Variants in CYFIP1 observed in about 807,000 individuals in gnomAD.
The protein encoded by CYFIP1 is cytoplasmic FMR1-interacting protein 1.
CYFIP1 carries 58 observed loss-of-function variants against 163.5 expected under a neutral mutation model. The ratio of observed to expected loss-of-function variants is 0.35; its 90% CI spans 0.29 to 0.44. The LOEUF is 0.44. CYFIP1 is among the 20% of genes least tolerant of loss of function. The pLI is 1.00. For synonymous variants in CYFIP1, 663 were observed against 660.7 expected (o/e 1.00, Z -0.05); for missense variants, 1,338 against 1,653.8 (o/e 0.81, Z 3.31).
At position 22,918,802 on chromosome 15, in the gene CYFIP1, G is replaced by C; in HGVS notation, c.1416C>G (p.Phe472Leu). The C allele has an allele frequency of 6.2e-7, 1 of 1,613,032 alleles. No individual in the cohort carries two copies. The highest frequency in any genetic ancestry group is 1.1e-5 in the South Asian group (1 of 91,026). ...QVLMGRMESV[F>L]NHAIRHTVYA... ...AGACGGTGTGCCGGATGGCGTGGTT[G>C]AACACGCTCTCCATCCTGCCCATCA... Residue 472 changes from phenylalanine to leucine, a missense_variant, in exon 14 of 31, where the codon TTC becomes TTG. Transcript: ENST00000617928.
chr15:22,946,851 C>G, intron 3 of CYFIP1, 152 bp downstream of exon 3: 1 of 756,052 alleles, frequency 1.3e-6, no homozygotes. Context: ...CTAAGAAAAG[C>G]AAAGACTGTC....
chr15:22,956,206 C>CA (rs1202403778), intron 1 of CYFIP1, among the ~76,000 whole-genome samples: 1 of 151,386 alleles, frequency 6.6e-6, no homozygotes, highest in Admixed American at 6.6e-5. Context: ...GACTCTGTCT[C>CA]AAAAAAAATA....
chr15:22,948,100 G>GCCTGCGC, intron 1 of CYFIP1: 1 of 523,614 alleles, frequency 1.9e-6, no homozygotes, highest in Non-Finnish European at 2.4e-6. Flanking sequence ...CCCTCCTCCA[G>GCCTGCGC]CACTGGCGCA....
Position 22,909,282 on chromosome 15 carries a change from A to T in CYFIP1, c.2300T>A (p.Leu767Gln), listed in dbSNP as rs750360895. The change falls in exon 21 of 31, where the codon CTG becomes CAG. Residue 767 changes from leucine (L) to glutamine (Q), a missense_variant. Transcript: ENST00000617928. ...LLGRSIDLNR[L>Q]ITQRVSAAMY... ...GGCTGCTGAGACGCGCTGGGTGATC[A>T]GACGATTGAGGTCTATTGATCTGCC... 1.2e-6 allele frequency: 2 copies of T among 1,614,214 alleles called. No homozygotes were observed. Among genetic ancestry groups the T allele is most frequent in the Non-Finnish European group, 8.5e-7 (1 of 1,180,026 alleles).
chr15:22,969,123 G>GT (rs2063003923), intron 1 of CYFIP1, among the ~76,000 whole-genome samples: 1 of 152,150 alleles, frequency 6.6e-6, no homozygotes, highest in Non-Finnish European at 1.5e-5. Context: ...CTTTCAGAGT[G>GT]TTTTGGGCTT....
At chr15:22,928,798 A>G (rs2061441245) in intron 11 of CYFIP1, among the ~76,000 whole-genome samples, 1 of 152,178 alleles carries the variant, frequency 6.6e-6, no homozygotes. Context: ...GAATTAAATG[A>G]GATCGGAAAT....
intron 26 of CYFIP1, among the ~76,000 whole-genome samples, chr15:22,877,464 C>T (rs1595494470): frequency 6.6e-6 from 1 of 152,174 alleles, no homozygotes; most frequent in African/African-American, 2.4e-5. Flanking sequence ...GCGCCTTATG[C>T]TGTAAGTTCA....
At chr15:22,963,725 C>A (rs546964819) in intron 1 of CYFIP1, among the ~76,000 whole-genome samples, 80 of 152,224 alleles carry the variant, frequency 5.3e-4, no homozygotes, top group Non-Finnish European at 9.4e-4. Context: ...GCAGGCTGAA[C>A]CCATCTCACC....
At chr15:22,920,159 C>CTTTTTTTTTTTT (rs71117470) in intron 13 of CYFIP1, among the ~76,000 whole-genome samples, 2 of 75,520 alleles carry the variant, frequency 2.6e-5, no homozygotes, top group Admixed American at 2.0e-4. Context: ...ATTAAGGCAG[C>CTTTTTTTTTTTT]TTTTTTTTTT....
At chr15:22,870,236 C>T (rs768261491) in intron 30 of CYFIP1, 44 bp from the exon 31 acceptor site, 6 of 1,534,640 alleles carry the variant, frequency 3.9e-6, no homozygotes, top group South Asian at 3.7e-5. Context: ...AACACTTCAA[C>T]ATTTATTCTT....
rs2059244633 is a variant in CYFIP1 at position 22,867,964 on chromosome 15, TGG to T, written c.*2062_*2063del. On this transcript the variant is annotated 3_prime_UTR_variant, in exon 31 of 31. Coordinates refer to ENST00000617928, the MANE Select transcript of CYFIP1 (RefSeq NM_014608.6). The stretch of plus-strand genomic sequence containing the variant: ...AACCTATCCACTCATAACCATTGAC[TGG>T]CCTTTAAAAAAAAGTATTGGCAGAA... The T allele has an allele frequency of 6.6e-6, 1 of 152,230 alleles. No individual in the cohort carries two copies. The highest frequency in any genetic ancestry group is 1.5e-5 in the Non-Finnish European group (1 of 68,038). 9.4% of individuals were successfully genotyped at this position (152,230 alleles called of 1,614,324 possible).
intron 22 of CYFIP1, among the ~76,000 whole-genome samples, chr15:22,903,421 A>AT (rs1331376738): frequency 6.6e-6 from 1 of 152,198 alleles, no homozygotes; most frequent in African/African-American, 2.4e-5. Flanking sequence ...GCACGGAAGC[A>AT]TAAGAAGCAG....
At position 22,918,673 on chromosome 15, in the gene CYFIP1, G is replaced by T; in HGVS notation, c.1526+19C>A. ...AGGACGTGTGGGCACAGCGGGCACA[G>T]GGCGTGGGGAAGGCTGACCTCTGGA... On this transcript the variant is annotated intron_variant, in intron 14 of 30. Coordinates refer to ENST00000617928, the MANE Select transcript of CYFIP1 (RefSeq NM_014608.6). The T allele has an allele frequency of 6.4e-7, 1 of 1,567,028 alleles. No homozygotes were observed. Among genetic ancestry groups the T allele is most frequent in the East Asian group, 2.3e-5 (1 of 43,636 alleles).
At chr15:22,873,869 G>T in intron 28 of CYFIP1, 140 bp from the exon 29 acceptor site, 1 of 767,648 alleles carries the variant, frequency 1.3e-6, no homozygotes, top group Non-Finnish European at 2.2e-6. Flanking sequence ...ACAGCTCGCT[G>T]CAGCCTTGAC....
chr15:22,918,101 A>G (rs958351268), intron 14 of CYFIP1, among the ~76,000 whole-genome samples, 166 bp from the exon 15 acceptor site: 4 of 152,172 alleles, frequency 2.6e-5, no homozygotes, highest in Non-Finnish European at 1.5e-5. Context: ...GCTCAACAGG[A>G]AAGTTAAAAA....
Position 22,867,354 on chromosome 15 carries a change from TA to T in CYFIP1, c.*2673del, listed in dbSNP as rs2059171204. The T allele has an allele frequency of 5.1e-6, 2 of 394,672 alleles. No homozygotes were observed. The highest frequency in any genetic ancestry group is 8.9e-6 in the Non-Finnish European group (2 of 224,150). 24.4% of individuals were successfully genotyped at this position (394,672 alleles called of 1,614,324 possible). On this transcript the variant is annotated 3_prime_UTR_variant, in exon 31 of 31. Transcript: ENST00000617928. ...TTTGAAATATTTATTAAGGGAAAAC[TA>T]AGTTACTGAATGAAGGAACCTCTTT... is the stretch of plus-strand genomic sequence containing the variant.
intron 23 of CYFIP1, among the ~76,000 whole-genome samples, chr15:22,884,153 T>C (rs377455972): frequency 6.6e-6 from 1 of 152,104 alleles, no homozygotes; most frequent in Non-Finnish European, 1.5e-5. Flanking sequence ...CTTATCATTC[T>C]GCCCCTGGCC....
chr15:22,939,768 G>A (rs1463612094), intron 6 of CYFIP1, among the ~76,000 whole-genome samples: 4 of 152,068 alleles, frequency 2.6e-5, no homozygotes, highest in African/African-American at 7.2e-5. Context: ...CACAGCTGAC[G>A]GCTCCCTGCA....
intron 4 of CYFIP1, 96 bp from the exon 5 acceptor site, chr15:22,944,755 G>A (rs2062001608): frequency 6.6e-7 from 1 of 1,515,304 alleles, no homozygotes; most frequent in South Asian, 1.1e-5. Context: ...CTGCTGTGGG[G>A]TGAGAACTGG....
Sources: allele counts gnomAD v4.1 joint callset (sites outside exome capture counted in the v4.1 genomes callset), GRCh38; gene constraint gnomAD v4.1.1; transcripts MANE v1.5; gene names NCBI Gene and HGNC (gene_info 2026-07-23, HGNC 2026-07-21).